The following EIF2S3 variants were observed in gnomAD, a reference collection of about 807,000 sequenced individuals.
EIF2S3 encodes the protein eukaryotic translation initiation factor 2 subunit 3.
Under a neutral mutation model 31.7 loss-of-function variants are expected in EIF2S3, and 2 were observed. The observed-to-expected ratio is 0.06, with a 90% CI of 0.03 to 0.20. The LOEUF (loss-of-function observed/expected upper bound fraction) is 0.20, where lower values mean the gene tolerates loss of function less well. Ranked by LOEUF, EIF2S3 falls within the 10% of genes least tolerant of loss-of-function variation. The probability of loss-of-function intolerance (pLI) is 1.00; values close to 1 mark genes in which losing one functional copy is unlikely to be tolerated. For synonymous variants in EIF2S3, 120 were observed against 126.7 expected (o/e 0.95, Z 0.36); for missense variants, 96 against 359.3 (o/e 0.27, Z 5.92).
At chrX:24,070,184 T>C (rs1258258493) in intron 9 of EIF2S3, among the ~76,000 whole-genome samples, 3 of 94,114 alleles carry the variant, frequency 3.2e-5, no homozygotes, top group East Asian at 3.4e-4. Context: ...CTGTCTCTAC[T>C]AAAAATACAA....
intron 4 of EIF2S3, 108 bp downstream of exon 4, chrX:24,057,862 TTTG>T: frequency 2.2e-6 from 2 of 904,382 alleles, no homozygotes; most frequent in Non-Finnish European, 2.9e-6. Context: ...GCTAAATGGT[TTTG>T]TTGTTTTTCC....
intron 5 of EIF2S3, 96 bp downstream of exon 5, chrX:24,060,278 T>C: frequency 1.3e-6 from 1 of 744,919 alleles, no homozygotes; most frequent in Non-Finnish European, 2.1e-6. Flanking sequence ...ATCATATCTA[T>C]TACCTAAGGG....
At chrX:24,075,315 G>A (rs186232356) in intron 11 of EIF2S3, among the ~76,000 whole-genome samples, 414 of 110,821 alleles carry the variant, frequency 3.7e-3, no homozygotes, top group Non-Finnish European at 5.9e-3. Flanking sequence ...CTCTTAGGGT[G>A]CTGTTGCTTC....
rs1416052837 is a variant in EIF2S3, at chrX:24,064,400, A to G, written c.772+65A>G. The G allele has an allele frequency of 1.5e-5, 16 of 1,078,685 alleles. No homozygotes were observed. The Middle Eastern group carries it at 7.7e-4, about 52-fold the overall frequency. 88.9% of individuals were successfully genotyped at this position (1,078,685 alleles called of 1,213,427 possible). ...TTTCCACATTGGTGATTCCTCTTCA[A>G]GGATGTTTATTAATATTTCCTCTTT... On this transcript the variant is annotated intron_variant, in intron 7 of 11. Coordinates refer to ENST00000253039, the MANE Select transcript of EIF2S3 (RefSeq NM_001415.4).
At chrX:24,067,915 A>T (rs964458312) in intron 8 of EIF2S3, 49 bp from the exon 9 acceptor site, 2 of 1,126,154 alleles carry the variant, frequency 1.8e-6, no homozygotes, top group Admixed American at 2.5e-5. Context: ...TAGGTAAATG[A>T]TAATTTTGCG....
At chrX:24,063,480 T>C in intron 6 of EIF2S3, among the ~76,000 whole-genome samples, 1 of 111,815 alleles carries the variant, frequency 8.9e-6, no homozygotes, top group Non-Finnish European at 1.9e-5. Flanking sequence ...GTATAATCAA[T>C]ACGTAGCAAA....
intron 4 of EIF2S3, among the ~76,000 whole-genome samples, chrX:24,058,866 G>A (rs1347216914): frequency 9.0e-6 from 1 of 111,085 alleles, no homozygotes; most frequent in Non-Finnish European, 1.9e-5. Context: ...TGGGATTACA[G>A]GCGTGAGCCA....
chrX:24,063,804 C>T (rs1472259534), intron 6 of EIF2S3, among the ~76,000 whole-genome samples: 2 of 111,262 alleles, frequency 1.8e-5, no homozygotes, highest in Admixed American at 1.9e-4. Flanking sequence ...TGCCAGCAGT[C>T]TTTGATTAGC....
At chrX:24,071,343 G>A (rs1294364330) in intron 9 of EIF2S3, among the ~76,000 whole-genome samples, 4 of 108,765 alleles carry the variant, frequency 3.7e-5, no homozygotes, top group Non-Finnish European at 5.7e-5. Flanking sequence ...GGTGCACGCC[G>A]CCACGCCTGG....
At chrX:24,068,836 T>C (rs1930617920) in intron 9 of EIF2S3, among the ~76,000 whole-genome samples, 1 of 111,633 alleles carries the variant, frequency 9.0e-6, no homozygotes, top group African/African-American at 3.3e-5. Context: ...GAGGTAGAAA[T>C]AAAAGAAAGT....
At chrX:24,068,426 T>G (rs186544641) in intron 9 of EIF2S3, among the ~76,000 whole-genome samples, 183 of 111,529 alleles carry the variant, frequency 1.6e-3, no homozygotes, top group African/African-American at 5.7e-3. Flanking sequence ...TTAACATGAT[T>G]TTTGTGCTAG....
At chrX:24,071,856 C>A in intron 10 of EIF2S3, 129 bp downstream of exon 10, 1 of 778,188 alleles carries the variant, frequency 1.3e-6, no homozygotes, top group African/African-American at 2.2e-5. Context: ...TAAATTTGAC[C>A]TCCCCAAAAT....
intron 10 of EIF2S3, among the ~76,000 whole-genome samples, chrX:24,072,285 T>C (rs1178748765): frequency 9.1e-6 from 1 of 110,289 alleles, no homozygotes; most frequent in Non-Finnish European, 1.9e-5. Context: ...TCCATATTTT[T>C]GTTTTGTTGT....
intron 5 of EIF2S3, among the ~76,000 whole-genome samples, chrX:24,060,660 G>A (rs1300541223): frequency 9.1e-6 from 1 of 110,393 alleles, no homozygotes; most frequent in African/African-American, 3.3e-5. Flanking sequence ...TCATTACTAG[G>A]GGGTAAAATT....
chrX:24,076,924 C>CTT lies in EIF2S3; in HGVS notation c.*140_*141insTT, dbSNP rs747088489. On this transcript the variant is annotated 3_prime_UTR_variant, in exon 12 of 12. Coordinates refer to ENST00000253039, the MANE Select transcript of EIF2S3 (RefSeq NM_001415.4). ...CTTAGTAGGTAACGGTAAGGTTATT[C>CTT]TCTTTTTTTTTTTTTTTTTTTTTGG... The CTT allele has an allele frequency of 3.5e-3, 404 of 116,724 alleles. 5 individuals carry two copies. The highest frequency in any genetic ancestry group is 4.1e-3 in the Non-Finnish European group (298 of 72,600). 9.6% of individuals were successfully genotyped at this position (116,724 alleles called of 1,213,427 possible).
intron 10 of EIF2S3, among the ~76,000 whole-genome samples, chrX:24,072,216 A>G (rs1930682251): frequency 9.0e-6 from 1 of 111,579 alleles, no homozygotes; most frequent in Non-Finnish European, 1.9e-5. Flanking sequence ...TTAAGAAAGA[A>G]ACTTAATAAA....
intron 11 of EIF2S3, among the ~76,000 whole-genome samples, chrX:24,074,966 G>A (rs1930732084): frequency 2.0e-5 from 2 of 100,050 alleles, no homozygotes; most frequent in Non-Finnish European, 4.0e-5. Flanking sequence ...CCAGGTTCAA[G>A]CAATTCTCCT....
At chrX:24,074,864 T>TC (rs1394212504) in intron 11 of EIF2S3, among the ~76,000 whole-genome samples, 4 of 71,320 alleles carry the variant, frequency 5.6e-5, no homozygotes, top group East Asian at 3.8e-4. Flanking sequence ...TTCTTCTTCT[T>TC]TTTTTTTTTT....
intron 11 of EIF2S3, among the ~76,000 whole-genome samples, chrX:24,075,773 G>C (rs1930745021): frequency 9.0e-6 from 1 of 111,110 alleles, no homozygotes; most frequent in Admixed American, 9.7e-5. Context: ...GGGTCTCTCT[G>C]TTGACCAGGC....
Sources: gnomAD v4.1 joint callset for allele counts (sites outside exome capture counted in the v4.1 genomes callset) on GRCh38, gnomAD v4.1.1 for gene constraint, MANE v1.5 for transcripts, NCBI Gene and HGNC (gene_info 2026-07-23, HGNC 2026-07-21) for gene names.